The following PTGIR variants were observed in gnomAD, a reference collection of about 807,000 sequenced individuals.
PTGIR encodes prostaglandin I2 receptor.
In PTGIR, 16 loss-of-function variants were observed where a neutral mutation model predicts 17.6. That is an observed-to-expected ratio of 0.91 (90% CI 0.61 to 1.38). PTGIR has a LOEUF of 1.38. Among genes scored for constraint, PTGIR ranks in the 40% most tolerant of loss-of-function variants. The pLI, the probability that PTGIR is intolerant of heterozygous loss-of-function variation, is 0.00. For synonymous variants in PTGIR, 274 were observed against 255.4 expected (o/e 1.07, Z -0.69); for missense variants, 532 against 548.6 (o/e 0.97, Z 0.30).
At chr19:46,616,326 C>CTT (rs1021116711), downstream of PTGIR, among the ~76,000 whole-genome samples, 692 of 66,540 alleles carry the variant, frequency 0.01, 136 homozygotes, top group African/African-American at 0.041. Flanking sequence ...GACAGAAATG[C>CTT]TTTTTTTTTT....
At chr19:46,618,268 C>G (rs1971992309), downstream of PTGIR, among the ~76,000 whole-genome samples, 2 of 152,298 alleles carry the variant, frequency 1.3e-5, no homozygotes, top group African/African-American at 4.8e-5. Flanking sequence ...CCCGCCTCGG[C>G]CTCCCAAAGT....
chr19:46,616,792 G>A (rs1294827187), downstream of PTGIR, among the ~76,000 whole-genome samples: 1 of 152,204 alleles, frequency 6.6e-6, no homozygotes, highest in Non-Finnish European at 1.5e-5. Flanking sequence ...AGCTACGGGA[G>A]GGCAGGGCCA....
chr19:46,618,777 G>A (rs1971998989), downstream of PTGIR, among the ~76,000 whole-genome samples: 4 of 152,258 alleles, frequency 2.6e-5, no homozygotes, highest in South Asian at 8.3e-4. Flanking sequence ...GGAACCCCAA[G>A]CTCATTCATG....
chr19:46,618,095 A>C (rs1224476770), downstream of PTGIR, among the ~76,000 whole-genome samples: 2 of 149,792 alleles, frequency 1.3e-5, no homozygotes, highest in African/African-American at 5.0e-5. Flanking sequence ...GCTCACTGCA[A>C]GCTCTGCCTC....
chr19:46,620,190 C>T (rs945555079), downstream of PTGIR, among the ~76,000 whole-genome samples: 3 of 152,210 alleles, frequency 2.0e-5, no homozygotes, highest in Admixed American at 6.5e-5. Context: ...GCCTCAACCT[C>T]CCACGTTCAG....
At chr19:46,611,912 G>A in the PTGIR span, among the ~76,000 whole-genome samples, 1 of 152,238 alleles carries the variant, frequency 6.6e-6, no homozygotes, top group South Asian at 2.1e-4. Context: ...AATAAAAAGA[G>A]GTCCTTCCAC....
At chr19:46,623,423 T>C in intron 2 of PTGIR, 35 bp downstream of exon 2, 1 of 1,488,670 alleles carries the variant, frequency 6.7e-7, no homozygotes, top group South Asian at 1.4e-5. Context: ...GCCCTCCTCC[T>C]CTCCCCACTC....
rs200390379 is a variant in PTGIR, at chr19:46,623,945, G to C, written c.281C>G (p.Ala94Gly). 1.9e-6 allele frequency: 3 copies of C among 1,595,006 alleles called. No homozygotes were observed. The highest frequency in any genetic ancestry group is 2.6e-6 in the Non-Finnish European group (3 of 1,170,206). ...LARGGPALCD[A>G]FAFAMTFFGL... ...GAAGAAGGTCATGGCGAAGGCGAAGGCATCGCACAGGGCGGGGCCGCCTCG... is the reference window on the plus strand; with the variant it reads ...GAAGAAGGTCATGGCGAAGGCGAAGCCATCGCACAGGGCGGGGCCGCCTCG... The change falls in exon 2 of 3, where the codon GCC (alanine) becomes GGC (glycine). Residue 94 changes from alanine to glycine, a missense_variant. Ala to Gly is a moderately conservative substitution (Grantham distance 60). Coordinates refer to ENST00000291294, the MANE Select transcript of PTGIR (RefSeq NM_000960.4).
downstream of PTGIR, among the ~76,000 whole-genome samples, chr19:46,617,042 A>T (rs914766652): frequency 6.6e-6 from 1 of 152,264 alleles, no homozygotes; most frequent in African/African-American, 2.4e-5. Flanking sequence ...TTTTTGACGG[A>T]TGGAAAAGGG....
downstream of PTGIR, among the ~76,000 whole-genome samples, chr19:46,618,100 T>C (rs9710394): frequency 0.15 from 22,344 of 147,862 alleles, 1,976 homozygotes; most frequent in African/African-American, 0.24. Flanking sequence ...CTGCAAGCTC[T>C]GCCTCCCGGG....
At chr19:46,615,320 T>C in the PTGIR span, among the ~76,000 whole-genome samples, 2 of 152,348 alleles carry the variant, frequency 1.3e-5, no homozygotes, top group South Asian at 2.1e-4. Context: ...GGAGGACGTA[T>C]GTAGGTTATA....
Position 46,624,118 on chromosome 19 carries a change from GC to G in PTGIR, c.107del (p.Gly36AlafsTer3). On this transcript the variant is annotated frameshift_variant, in exon 2 of 3. Coordinates refer to ENST00000291294, the MANE Select transcript of PTGIR (RefSeq NM_000960.4). LOFTEE classifies it high-confidence loss of function. ...GCGCCGGTCGCCGTGCGCTCAGGAT[GC>G]CCAGGGCCAGCCCGTTGCCCACCAC... ...AGVVGNGLAL[G>X]ILSARRPARP... is the part of the protein sequence containing the mutation. The G allele has an allele frequency of 6.5e-7, 1 of 1,539,100 alleles. No individual in the cohort carries two copies.
the PTGIR span, among the ~76,000 whole-genome samples, chr19:46,612,687 G>C: frequency 2.0e-5 from 3 of 152,312 alleles, no homozygotes; most frequent in South Asian, 6.2e-4. Context: ...CAGAGCCAGT[G>C]GGGAGGCCAG....
chr19:46,619,836 G>A (rs1365836266), downstream of PTGIR, among the ~76,000 whole-genome samples: 1 of 152,152 alleles, frequency 6.6e-6, no homozygotes. Flanking sequence ...AGTAGGAAAG[G>A]GGAACTGGGA....
chr19:46,611,279 G>A, the PTGIR span, among the ~76,000 whole-genome samples: 5 of 152,206 alleles, frequency 3.3e-5, no homozygotes, highest in Admixed American at 1.3e-4. Context: ...TGAGAGCCCC[G>A]AGCAGCTTGG....
At chr19:46,616,185 A>G (rs1419796246), downstream of PTGIR, among the ~76,000 whole-genome samples, 3 of 152,086 alleles carry the variant, frequency 2.0e-5, no homozygotes, top group African/African-American at 7.2e-5. Flanking sequence ...AGTCACCACT[A>G]TATTCCCAGT....
chr19:46,612,992 CG>C, the PTGIR span, among the ~76,000 whole-genome samples: 104 of 144,116 alleles, frequency 7.2e-4, 1 homozygote, highest in African/African-American at 2.5e-3. Flanking sequence ...TAAAGGAAGA[CG>C]ATACAAATAT....
chr19:46,613,522 G>A, the PTGIR span, among the ~76,000 whole-genome samples: 1 of 152,006 alleles, frequency 6.6e-6, no homozygotes, highest in East Asian at 1.9e-4. Flanking sequence ...AGTAGAGACG[G>A]GGTTTCACCG....
the PTGIR span, among the ~76,000 whole-genome samples, chr19:46,613,350 C>A: frequency 1.4e-4 from 17 of 119,468 alleles, no homozygotes; most frequent in African/African-American, 5.6e-4. Flanking sequence ...CTCCCCCTAC[C>A]CCCCCATGCC....
Sources: allele counts gnomAD v4.1 joint callset (sites outside exome capture counted in the v4.1 genomes callset), GRCh38; gene constraint gnomAD v4.1.1; transcripts MANE v1.5; gene names NCBI Gene and HGNC (gene_info 2026-07-23, HGNC 2026-07-21).